The following FANCA variants were observed in gnomAD, a reference collection of about 807,000 sequenced individuals.
FANCA encodes the protein Fanconi anemia group A protein.
In FANCA, 236 loss-of-function variants were observed where a neutral mutation model predicts 194.3. The observed-to-expected ratio is 1.21, with a 90% CI of 1.09 to 1.35. The LOEUF is 1.35. Among genes scored for constraint, FANCA ranks in the 40% most tolerant of loss-of-function variants. The pLI, the probability that FANCA is intolerant of heterozygous loss-of-function variation, is 0.00. For synonymous variants in FANCA, 1,014 were observed against 715.8 expected, an observed-to-expected ratio of 1.42 and a Z score of -6.65; for missense variants, 2,628 against 1,813.9, an observed-to-expected ratio of 1.45 and a Z score of -8.15.
chr16:89,803,091 A>G lies in FANCA; in HGVS notation c.792+168T>C, dbSNP rs936010013. The stretch of plus-strand genomic sequence containing the variant: ...ACATACTGGAGGTGACGGAGACTCT[A>G]AACACCCTGACTTGATCATTACACT... On this transcript the variant is annotated intron_variant, in intron 8 of 42. Coordinates refer to ENST00000389301, the MANE Select transcript of FANCA (RefSeq NM_000135.4). Among the ~76,000 whole-genome samples, 12 of 152,218 alleles carry G rather than the reference A, an allele frequency of 7.9e-5. 1 individual carries two copies. Among genetic ancestry groups the G allele is most frequent in the African/African-American group, 2.7e-4 (11 of 41,450 alleles).
At position 89,799,351 on chromosome 16, in the gene FANCA, C is replaced by T; in HGVS notation, c.827-119G>A. 4 of 1,158,784 alleles carry T rather than the reference C, an allele frequency of 3.5e-6. No homozygotes were observed. The East Asian group carries it at 9.7e-5, about 28-fold the overall frequency. The allele number at this position is 1,158,784 out of a possible 1,614,324, so 71.8% of individuals were successfully genotyped here. A position where few individuals can be genotyped will look rare whatever the true frequency, so the allele number is the denominator to read the frequency against. On this transcript the variant is annotated intron_variant, in intron 9 of 42. Transcript: ENST00000389301. ...TTCAACCCCCCAGAGGGCCCACATC[C>T]ATCAAGACTTCTACAATCTGTAGGC...
Position 89,791,969 on chromosome 16 carries a change from C to A in FANCA, c.1183G>T (p.Ala395Ser), listed in dbSNP as rs202062504. The A allele has an allele frequency of 6.2e-6, 10 of 1,614,188 alleles. No individual in the cohort carries two copies. Among genetic ancestry groups the A allele is most frequent in the East Asian group, 2.2e-5 (1 of 44,880 alleles). The change falls in exon 13 of 43, where the codon GCC becomes TCC. Residue 395 changes from alanine to serine, a missense_variant. By Grantham distance (99) the Ala-to-Ser change is moderately conservative. Transcript: ENST00000389301. ...HWQRVLSFVS[A>S]LVVCFPEAQQ... is the part of the protein sequence containing the mutation. ...GCTTCTGGAAAGCAGACAACCAGGGCAGACACAAAGGAGAGCACTCTCTGC... is the reference window on the plus strand; with the variant it reads ...GCTTCTGGAAAGCAGACAACCAGGGAAGACACAAAGGAGAGCACTCTCTGC...
At chr16:89,755,906 C>A (rs537461889) in intron 30 of FANCA, among the ~76,000 whole-genome samples, 2 of 149,668 alleles carry the variant, frequency 1.3e-5, no homozygotes, top group African/African-American at 2.5e-5. Flanking sequence ...CTAGGCCACA[C>A]GGCACGGCCC....
At chr16:89,751,288 C>T (rs1257874620) in intron 31 of FANCA, among the ~76,000 whole-genome samples, 1 of 151,938 alleles carries the variant, frequency 6.6e-6, no homozygotes, top group Non-Finnish European at 1.5e-5. Flanking sequence ...TCACTTGGGC[C>T]CAGGAGTTCG....
chr16:89,769,300 T>A (rs985504655), intron 26 of FANCA, among the ~76,000 whole-genome samples: 1 of 152,194 alleles, frequency 6.6e-6, no homozygotes, highest in Non-Finnish European at 1.5e-5. Flanking sequence ...GAGTGGCAGC[T>A]GAAGGGATTC....
chr16:89,815,734 C>T, intron 2 of FANCA, 143 bp downstream of exon 2: 5 of 737,100 alleles, frequency 6.8e-6, no homozygotes, highest in African/African-American at 1.7e-5. Context: ...TCCAGAACTC[C>T]CGGGCTCAGG....
chr16:89,793,563 G>A (rs776167836), intron 11 of FANCA, among the ~76,000 whole-genome samples: 4 of 151,832 alleles, frequency 2.6e-5, no homozygotes, highest in African/African-American at 4.8e-5. Context: ...TCGTGTCCTC[G>A]GTCTCTTGCC....
intron 10 of FANCA, among the ~76,000 whole-genome samples, chr16:89,796,762 C>T (rs1013210508): frequency 1.3e-5 from 2 of 152,330 alleles, no homozygotes; most frequent in South Asian, 2.1e-4. Flanking sequence ...GTGGCTCATG[C>T]CTGTAATCCC....
chr16:89,781,827 AT>A (rs2039718484), intron 17 of FANCA, among the ~76,000 whole-genome samples: 3 of 141,798 alleles, frequency 2.1e-5, no homozygotes, highest in South Asian at 2.3e-4. Flanking sequence ...GTGAAACCTC[AT>A]CTCTACTAAA....
intron 14 of FANCA, among the ~76,000 whole-genome samples, chr16:89,787,283 G>T (rs1197046009): frequency 6.6e-6 from 1 of 152,148 alleles, no homozygotes; most frequent in Non-Finnish European, 1.5e-5. Context: ...CAACACTTTG[G>T]GAGGCTGAGG....
intron 30 of FANCA, among the ~76,000 whole-genome samples, chr16:89,754,223 GA>G (rs745313216): frequency 6.4e-3 from 710 of 110,878 alleles, no homozygotes; most frequent in Non-Finnish European, 8.5e-3. Flanking sequence ...CTCCGTCTCA[GA>G]AAAAAAAAAA....
In FANCA at chr16:89,770,221, C is replaced by G. The variant is rs377475477; in HGVS notation, c.2261G>C (p.Cys754Ser). ...GAGCACTGCAGGGAGCACACGTCCA[C>G]ACATGGTCCTCACGAAGAGGGCAGC... is the stretch of plus-strand genomic sequence containing the variant. Reference protein sequence around the residue: ...PWAALFVRTMCGRVLPAVLTR... With the variant: ...PWAALFVRTMSGRVLPAVLTR... The change falls in exon 25 of 43, where the codon TGT becomes TCT. Residue 754 changes from cysteine to serine, a missense_variant. By Grantham distance (112) the Cys-to-Ser change is moderately radical. Coordinates refer to ENST00000389301, the MANE Select transcript of FANCA (RefSeq NM_000135.4). 1 of 1,592,352 alleles carries G rather than the reference C, an allele frequency of 6.3e-7. No individual in the cohort carries two copies. Among genetic ancestry groups the G allele is most frequent in the African/African-American group, 1.3e-5 (1 of 74,744 alleles).
chr16:89,808,518 G>C, intron 5 of FANCA, 151 bp from the exon 6 acceptor site: 1 of 787,206 alleles, frequency 1.3e-6, no homozygotes. Context: ...CTTAGAGCCT[G>C]AAACACATCT....
chr16:89,791,242 C>A lies in FANCA; in HGVS notation c.1359+161G>T. On this transcript the variant is annotated intron_variant, in intron 14 of 42. Transcript: ENST00000389301. The stretch of plus-strand genomic sequence containing the variant: ...GGCCCCGACAGGGAGAACCCAGGCT[C>A]CTCGGCACACGCAGAGGAAGATCTG... 5 of 940,400 alleles carry A rather than the reference C, an allele frequency of 5.3e-6. No homozygotes were observed. In the South Asian group the frequency reaches 5.7e-5, roughly 11 times the overall value. The allele number at this position is 940,400 out of a possible 1,614,324, so 58.3% of individuals were successfully genotyped here. A position where few individuals can be genotyped will look rare whatever the true frequency, so the allele number is the denominator to read the frequency against.
chr16:89,796,010 A>G lies in FANCA; in HGVS notation c.902T>C (p.Val301Ala). Residue 301 changes from valine (V) to alanine (A), a missense_variant, in exon 11 of 43, where the codon GTG (valine) becomes GCG (alanine). By Grantham distance (64) the Val-to-Ala change is moderately conservative. Transcript: ENST00000389301. Reference protein sequence around the residue: ...THKIVRCWFGVFSGHTLGSVI... With the variant: ...THKIVRCWFGAFSGHTLGSVI... ...ACTGCCAAGCGTGTGTCCACTGAAC[A>G]CTCCGAACCTGCCAATGCAGCAGAA... The G allele has an allele frequency of 1.2e-6, 2 of 1,613,666 alleles. No individual in the cohort carries two copies. The highest frequency in any genetic ancestry group is 1.7e-6 in the Non-Finnish European group (2 of 1,179,714).
chr16:89,782,755 GAGACTGGGA>G (rs1211090010), intron 17 of FANCA, 95 bp downstream of exon 17: 3 of 1,038,804 alleles, frequency 2.9e-6, no homozygotes, highest in Admixed American at 3.7e-5. Flanking sequence ...GACCAGACAT[GAGACTGGGA>G]AGGCTGAAAA....
chr16:89,744,916 G>A (rs761281512), intron 36 of FANCA, 43 bp downstream of exon 36: 1 of 1,567,732 alleles, frequency 6.4e-7, no homozygotes, highest in Non-Finnish European at 8.7e-7. Context: ...AGGTCCCGAA[G>A]TGCATCTGGG....
Position 89,737,740 on chromosome 16 carries a change from T to C in FANCA, c.*861A>G. On this transcript the variant is annotated 3_prime_UTR_variant, in exon 43 of 43. Transcript: ENST00000389301. ...TCCCAGCTGTGATGGTTTCACATTGTCATCGTCGTCCCCCCGGGAGGTTGG... is the reference window on the plus strand; with the variant it reads ...TCCCAGCTGTGATGGTTTCACATTGCCATCGTCGTCCCCCCGGGAGGTTGG... 1.2e-6 allele frequency: 2 copies of C among 1,605,966 alleles called. No homozygotes were observed. Among genetic ancestry groups the C allele is most frequent in the South Asian group, 1.1e-5 (1 of 90,328 alleles).
intron 30 of FANCA, among the ~76,000 whole-genome samples, chr16:89,758,010 C>A (rs2038821466): frequency 6.6e-6 from 1 of 152,190 alleles, no homozygotes; most frequent in South Asian, 2.1e-4. Flanking sequence ...CACCCGCCAC[C>A]ACACTCAGCT....
Sources: allele counts gnomAD v4.1 joint callset (sites outside exome capture counted in the v4.1 genomes callset), GRCh38; gene constraint gnomAD v4.1.1; transcripts MANE v1.5; gene names NCBI Gene and HGNC (gene_info 2026-07-23, HGNC 2026-07-21).